Variants in LAPTM4B observed in about 807,000 individuals in gnomAD.
The protein encoded by LAPTM4B is lysosomal protein transmembrane 4 beta.
In LAPTM4B, 26 loss-of-function variants were observed where a neutral mutation model predicts 28.5. The observed-to-expected ratio is 0.91, with a 90% confidence interval of 0.67 to 1.27. The LOEUF (loss-of-function observed/expected upper bound fraction) is 1.27. LAPTM4B is among the 50% of genes most tolerant of loss of function. The probability of loss-of-function intolerance (pLI) is 0.00; values close to 1 mark genes in which losing one functional copy is unlikely to be tolerated. For synonymous variants in LAPTM4B, 109 were observed against 106.4 expected, an observed-to-expected ratio of 1.02 and a Z score of -0.15; for missense variants, 288 against 285.8, an observed-to-expected ratio of 1.01 and a Z score of -0.06.
intron 1 of LAPTM4B, among the ~76,000 whole-genome samples, chr8:97,780,455 A>G (rs1816290927): frequency 6.6e-6 from 1 of 152,114 alleles, no homozygotes. Flanking sequence ...AACAAAAAGT[A>G]AGAGTCCACA....
At chr8:97,835,394 A>G (rs1040642869) in intron 6 of LAPTM4B, among the ~76,000 whole-genome samples, 1 of 152,200 alleles carries the variant, frequency 6.6e-6, no homozygotes, top group Non-Finnish European at 1.5e-5. Context: ...GATATTGGAG[A>G]TCATTCCCTG....
chr8:97,832,805 C>T (rs1284368921), intron 6 of LAPTM4B, among the ~76,000 whole-genome samples: 1 of 150,256 alleles, frequency 6.7e-6, no homozygotes, highest in East Asian at 2.0e-4. Flanking sequence ...CTCCCAGGTT[C>T]AAGCGATTCT....
chr8:97,806,615 A>T (rs1476456707), intron 2 of LAPTM4B, among the ~76,000 whole-genome samples: 1 of 152,156 alleles, frequency 6.6e-6, no homozygotes, highest in African/African-American at 2.4e-5. Flanking sequence ...ATCTCCTAGA[A>T]TTCCCCTGTA....
At chr8:97,841,347 G>T (rs569659726) in intron 6 of LAPTM4B, among the ~76,000 whole-genome samples, 1 of 152,082 alleles carries the variant, frequency 6.6e-6, no homozygotes, top group East Asian at 1.9e-4. Context: ...TTTTTTTTGA[G>T]ATGGAGTTTC....
Position 97,830,229 on chromosome 8 carries a change from A to G in LAPTM4B, c.603+5076A>G, listed in dbSNP as rs150704131. ...GTGGGTGAGGTTGATGGTATGTTGG[A>G]GATAATTAGGGAGGGGTAGAGGGTA... On this transcript the variant is annotated intron_variant, in intron 6 of 6. Transcript: ENST00000521545. 1.8e-3 allele frequency among the ~76,000 whole-genome samples: 271 copies of G among 152,200 alleles called. 2 individuals carry two copies. Among genetic ancestry groups the G allele is most frequent in the Non-Finnish European group, 3.0e-3 (203 of 67,994 alleles).
At position 97,851,617 on chromosome 8, in the gene LAPTM4B, GA is replaced by G; in HGVS notation, c.*147del. On this transcript the variant is annotated 3_prime_UTR_variant, in exon 7 of 7. Coordinates refer to ENST00000521545, the MANE Select transcript of LAPTM4B (RefSeq NM_018407.6). ...CTTTTTAAAATTTAGATGTTAGATT[GA>G]AAACTGTAGTTTTCAACATATGCTT... 3.0e-6 allele frequency: 2 copies of G among 659,128 alleles called. No individual in the cohort carries two copies. The highest frequency in any genetic ancestry group is 2.7e-6 in the Non-Finnish European group (1 of 371,832). The allele number at this position is 659,128 out of a possible 1,614,324, so 40.8% of individuals were successfully genotyped here. A position where few individuals can be genotyped will look rare whatever the true frequency, so the allele number is the denominator to read the frequency against.
chr8:97,826,349 C>A (rs1424573568), intron 6 of LAPTM4B, among the ~76,000 whole-genome samples: 1 of 152,176 alleles, frequency 6.6e-6, no homozygotes, highest in East Asian at 1.9e-4. Context: ...CTGCAGAATT[C>A]TGTGTATTGA....
intron 4 of LAPTM4B, among the ~76,000 whole-genome samples, chr8:97,817,844 C>T (rs1157392094): frequency 2.6e-5 from 4 of 152,088 alleles, no homozygotes; most frequent in Non-Finnish European, 4.4e-5. Context: ...CCCACCTTGG[C>T]CTCCCAAAGT....
chr8:97,851,634 A>G lies in LAPTM4B; in HGVS notation c.*160A>G, dbSNP rs1586350555. ...GTTAGATTGAAAACTGTAGTTTTCAACATATGCTTTGCTGGAACACTGTGA... is the reference window on the plus strand; with the variant it reads ...GTTAGATTGAAAACTGTAGTTTTCAGCATATGCTTTGCTGGAACACTGTGA... On this transcript the variant is annotated 3_prime_UTR_variant, in exon 7 of 7. Coordinates refer to ENST00000521545, the MANE Select transcript of LAPTM4B (RefSeq NM_018407.6). The G allele has an allele frequency of 1.6e-6, 1 of 634,888 alleles. No homozygotes were observed. Among genetic ancestry groups the G allele is most frequent in the African/African-American group, 1.8e-5 (1 of 54,974 alleles). 39.3% of individuals were successfully genotyped at this position (634,888 alleles called of 1,614,324 possible).
intron 5 of LAPTM4B, among the ~76,000 whole-genome samples, chr8:97,823,364 T>G (rs78286503): frequency 0.5 from 67,734 of 135,028 alleles, 17,757 homozygotes; most frequent in East Asian, 0.62. Flanking sequence ...TTGTTTTTTT[T>G]TTGTTGTTGT....
At position 97,798,522 on chromosome 8, in the gene LAPTM4B, C is replaced by A. The variant is rs146918428; in HGVS notation, c.100-6831C>A. 2.6e-3 allele frequency among the ~76,000 whole-genome samples: 400 copies of A among 152,208 alleles called. 1 individual carries two copies. The highest frequency in any genetic ancestry group is 9.2e-3 in the African/African-American group (383 of 41,524). On this transcript the variant is annotated intron_variant, in intron 1 of 6. Coordinates refer to ENST00000521545, the MANE Select transcript of LAPTM4B (RefSeq NM_018407.6). Reference sequence around the variant, plus strand: ...TCTGTGTCCCCTCTATCTGGACGGCCTCGCGAAGAACCAGGGCACCTGGAC... The same window carrying A: ...TCTGTGTCCCCTCTATCTGGACGGCATCGCGAAGAACCAGGGCACCTGGAC...
intron 1 of LAPTM4B, among the ~76,000 whole-genome samples, chr8:97,800,798 G>A (rs988723220): frequency 2.0e-5 from 3 of 151,768 alleles, no homozygotes; most frequent in Admixed American, 6.6e-5. Context: ...GCCCAGCCCC[G>A]TTGACTTCTT....
intron 1 of LAPTM4B, among the ~76,000 whole-genome samples, chr8:97,788,905 A>G (rs1486620198): frequency 6.6e-6 from 1 of 151,818 alleles, no homozygotes; most frequent in Non-Finnish European, 1.5e-5. Context: ...CATGTTGACC[A>G]GGTTGGTCTC....
At chr8:97,832,996 G>A (rs1052599352) in intron 6 of LAPTM4B, among the ~76,000 whole-genome samples, 2 of 150,274 alleles carry the variant, frequency 1.3e-5, no homozygotes, top group African/African-American at 2.4e-5. Flanking sequence ...GTGAGCCACC[G>A]CTCCTGACCT....
rs199794162 is a variant in LAPTM4B at position 97,776,093 on chromosome 8, C to T, written c.84C>T (p.Leu28=). 19 of 1,582,398 alleles carry T rather than the reference C, an allele frequency of 1.2e-5. No individual in the cohort carries two copies. Among genetic ancestry groups the T allele is most frequent in the Non-Finnish European group, 1.6e-5 (19 of 1,170,710 alleles). Residue 28 remains leucine (L), a synonymous_variant, in exon 1 of 7, where the codon CTC becomes CTT. Coordinates refer to ENST00000521545, the MANE Select transcript of LAPTM4B (RefSeq NM_018407.6). ...CCHVRTGTIL[L]GVWYLIINAV... is the part of the protein sequence containing the mutation. Reference sequence around the variant, plus strand: ...ATGTCCGCACCGGCACCATCCTGCTCGGCGTCTGGTATCTGGTGAGCGCGG... The same window carrying T: ...ATGTCCGCACCGGCACCATCCTGCTTGGCGTCTGGTATCTGGTGAGCGCGG...
At chr8:97,783,858 T>C (rs1816362259) in intron 1 of LAPTM4B, among the ~76,000 whole-genome samples, 1 of 152,208 alleles carries the variant, frequency 6.6e-6, no homozygotes, top group African/African-American at 2.4e-5. Context: ...GTTTTCTTAT[T>C]TCTGTGACTC....
chr8:97,847,610 T>C (rs1004438820), intron 6 of LAPTM4B, among the ~76,000 whole-genome samples: 3 of 152,228 alleles, frequency 2.0e-5, no homozygotes, highest in African/African-American at 7.2e-5. Context: ...TTAGTATACT[T>C]GACTGATCCT....
chr8:97,826,174 C>G (rs1182304716), intron 6 of LAPTM4B, among the ~76,000 whole-genome samples: 2 of 152,158 alleles, frequency 1.3e-5, no homozygotes, highest in Non-Finnish European at 2.9e-5. Flanking sequence ...ACTGAGAACT[C>G]TGTGTGATAG....
At chr8:97,796,862 C>T (rs1816592937) in intron 1 of LAPTM4B, among the ~76,000 whole-genome samples, 1 of 152,196 alleles carries the variant, frequency 6.6e-6, no homozygotes, top group East Asian at 1.9e-4. Flanking sequence ...TTCGCTTGAA[C>T]CCAGGAGGCA....
Sources: gnomAD v4.1 joint callset for allele counts (sites outside exome capture counted in the v4.1 genomes callset) on GRCh38, gnomAD v4.1.1 for gene constraint, MANE v1.5 for transcripts, NCBI Gene and HGNC (gene_info 2026-07-23, HGNC 2026-07-21) for gene names.